The following DAB1 variants were observed in gnomAD, a reference collection of about 807,000 sequenced individuals.
The protein encoded by DAB1 is disabled homolog 1.
DAB1 carries 15 observed loss-of-function variants against 64.6 expected under a neutral mutation model. The observed-to-expected ratio is 0.23, with a 90% CI of 0.16 to 0.36. The LOEUF is 0.36. DAB1 is among the 10% of genes least tolerant of loss of function. The pLI, the probability that DAB1 is intolerant of heterozygous loss-of-function variation, is 1.00. For synonymous variants in DAB1, 235 were observed against 251.9 expected (o/e 0.93, Z 0.64); for missense variants, 596 against 706.7 (o/e 0.84, Z 1.78).
At chr1:57,753,420 C>A (rs1648646443) in intron 6 of DAB1, among the ~76,000 whole-genome samples, 1 of 152,148 alleles carries the variant, frequency 6.6e-6, no homozygotes, top group Admixed American at 6.5e-5. Flanking sequence ...AGTGCATGGG[C>A]CTCGGAACCA....
intron 4 of DAB1, among the ~76,000 whole-genome samples, chr1:57,114,920 C>CT (rs200934443): frequency 3.3e-5 from 5 of 151,376 alleles, no homozygotes; most frequent in East Asian, 1.9e-4. Context: ...GTAAGCTGTC[C>CT]TTTTTTTTTC....
intron 13 of DAB1, 39 bp downstream of exon 13, chr1:57,011,106 T>C (rs372825410): frequency 3.5e-5 from 57 of 1,612,746 alleles, no homozygotes; most frequent in Non-Finnish European, 4.7e-5. Context: ...GTCTTAATTT[T>C]AAGGAAAAAC....
intron 3 of DAB1, among the ~76,000 whole-genome samples, chr1:58,480,543 C>T (rs1280395654): frequency 6.6e-6 from 1 of 152,100 alleles, no homozygotes; most frequent in Non-Finnish European, 1.5e-5. Context: ...CCAATGCAAA[C>T]TATTTCCTGC....
chr1:57,910,548 C>T (rs899867520), intron 5 of DAB1, among the ~76,000 whole-genome samples: 7 of 152,082 alleles, frequency 4.6e-5, no homozygotes, highest in African/African-American at 9.7e-5. Flanking sequence ...CTGTAATCAA[C>T]GGAACACTAA....
intron 3 of DAB1, among the ~76,000 whole-genome samples, chr1:58,454,537 G>A (rs551252564): frequency 6.6e-6 from 1 of 152,150 alleles, no homozygotes; most frequent in Non-Finnish European, 1.5e-5. Context: ...CAGGCTAGGG[G>A]CGGGTGCAGG....
intron 2 of DAB1, among the ~76,000 whole-genome samples, chr1:57,176,186 T>C (rs1471973384): frequency 6.6e-6 from 1 of 152,160 alleles, no homozygotes; most frequent in African/African-American, 2.4e-5. Context: ...ACCAATGTTA[T>C]AGAATATCCT....
At chr1:57,252,526 A>G (rs1669426864) in intron 2 of DAB1, among the ~76,000 whole-genome samples, 3 of 152,220 alleles carry the variant, frequency 2.0e-5, no homozygotes, top group African/African-American at 7.2e-5. Context: ...GTCCTCTTAA[A>G]AAAAGGTTTG....
At chr1:58,338,227 G>A (rs1449165687) in intron 4 of DAB1, among the ~76,000 whole-genome samples, 1 of 152,100 alleles carries the variant, frequency 6.6e-6, no homozygotes, top group Non-Finnish European at 1.5e-5. Context: ...TCAGCTGCGT[G>A]AGAGGCACAC....
chr1:58,264,783 A>C (rs1323189118), intron 4 of DAB1, among the ~76,000 whole-genome samples: 1 of 152,204 alleles, frequency 6.6e-6, no homozygotes, highest in Non-Finnish European at 1.5e-5. Flanking sequence ...GGGAAATATA[A>C]TAGCTATTTG....
chr1:57,326,800 A>G (rs1374727743), intron 1 of DAB1, among the ~76,000 whole-genome samples: 1 of 152,040 alleles, frequency 6.6e-6, no homozygotes, highest in African/African-American at 2.4e-5. Flanking sequence ...CTCAGACCTC[A>G]TCGAATCCTC....
intron 3 of DAB1, among the ~76,000 whole-genome samples, chr1:58,501,065 A>G (rs1195979851): frequency 1.3e-5 from 2 of 152,214 alleles, no homozygotes; most frequent in Admixed American, 6.5e-5. Context: ...GATAACCAAA[A>G]TATGTGGAAT....
chr1:57,580,723 C>A (rs142446776), intron 7 of DAB1, among the ~76,000 whole-genome samples: 1 of 152,172 alleles, frequency 6.6e-6, no homozygotes, highest in Non-Finnish European at 1.5e-5. Context: ...CTACTCGTCA[C>A]GGAGCAACAA....
At chr1:57,022,255 G>A (rs891526875) in intron 11 of DAB1, among the ~76,000 whole-genome samples, 5 of 152,126 alleles carry the variant, frequency 3.3e-5, no homozygotes, top group African/African-American at 9.7e-5. Flanking sequence ...TGGGCACTCC[G>A]AACACAAGAC....
At chr1:57,548,943 T>A (rs1048891007) in intron 7 of DAB1, among the ~76,000 whole-genome samples, 4 of 152,200 alleles carry the variant, frequency 2.6e-5, no homozygotes, top group Non-Finnish European at 5.9e-5. Flanking sequence ...ATCATCTGCA[T>A]TTTATTCTTG....
chr1:57,157,977 C>T (rs922960810), intron 2 of DAB1, among the ~76,000 whole-genome samples: 1 of 152,134 alleles, frequency 6.6e-6, no homozygotes, highest in Admixed American at 6.5e-5. Context: ...CTAAGGAGGG[C>T]GTAGCTGCCT....
intron 9 of DAB1, among the ~76,000 whole-genome samples, chr1:57,042,632 C>G (rs1214235992): frequency 6.6e-6 from 1 of 152,086 alleles, no homozygotes; most frequent in Non-Finnish European, 1.5e-5. Flanking sequence ...CCTAGATGGC[C>G]TAGTGGTCAG....
At chr1:57,814,349 G>T (rs1166619197) in intron 6 of DAB1, among the ~76,000 whole-genome samples, 1 of 152,148 alleles carries the variant, frequency 6.6e-6, no homozygotes, top group African/African-American at 2.4e-5. Context: ...TATTAAACTT[G>T]CAGGAAAACA....
At chr1:58,411,201 T>G (rs952404764) in intron 3 of DAB1, among the ~76,000 whole-genome samples, 2 of 152,220 alleles carry the variant, frequency 1.3e-5, no homozygotes, top group Admixed American at 1.3e-4. Context: ...ACAGCCATGA[T>G]GTTAAGCCTG....
In DAB1 at chr1:58,527,115, A is replaced by C. The variant is rs1481015709; in HGVS notation, n.107+146T>G. The C allele has an allele frequency of 1.2e-5, 7 of 586,316 alleles. No homozygotes were observed. The South Asian group carries it at 1.6e-4, about 13-fold the overall frequency. 36.3% of individuals were successfully genotyped at this position (586,316 alleles called of 1,614,324 possible). On this transcript the variant is annotated intron_variant and non_coding_transcript_variant, in intron 2 of 20. Transcript: ENST00000485760. ...CATTCTTTCAAGGTCCATAATCTTC[A>C]AATTTCTAGATTAACAGAAATTACA...
Sources: gnomAD v4.1 joint callset for allele counts (sites outside exome capture counted in the v4.1 genomes callset) on GRCh38, gnomAD v4.1.1 for gene constraint, MANE v1.5 for transcripts, NCBI Gene and HGNC (gene_info 2026-07-23, HGNC 2026-07-21) for gene names.